Variants in UBQLN1 observed in about 807,000 individuals in gnomAD.
UBQLN1 encodes the protein ubiquilin-1.
UBQLN1 carries 13 observed loss-of-function variants against 65.4 expected under a neutral mutation model. The observed-to-expected ratio is 0.20, with a 90% CI of 0.13 to 0.32. UBQLN1 has a LOEUF of 0.32. UBQLN1 is among the 10% of genes least tolerant of loss of function. UBQLN1 has a pLI of 1.00. For missense variants in UBQLN1, 561 were observed against 724.0 expected (o/e 0.77, Z 2.58); for synonymous variants, 267 against 247.8 (o/e 1.08, Z -0.73).
chr9:83,690,780 C>T (rs1410010024), intron 1 of UBQLN1, among the ~76,000 whole-genome samples: 1 of 151,228 alleles, frequency 6.6e-6, no homozygotes, highest in Non-Finnish European at 1.5e-5. Flanking sequence ...ATCAAGAAGT[C>T]GAAACACAGC....
At chr9:83,686,791 C>T (rs1259418776) in intron 1 of UBQLN1, among the ~76,000 whole-genome samples, 1 of 151,874 alleles carries the variant, frequency 6.6e-6, no homozygotes, top group Non-Finnish European at 1.5e-5. Flanking sequence ...CACCAACATC[C>T]AAAACTTTTG....
At position 83,680,155 on chromosome 9, in the gene UBQLN1, T is replaced by C. The variant is rs1042613827; in HGVS notation, c.449-118A>G. The stretch of plus-strand genomic sequence containing the variant: ...TGACCCAATAGTCTATTACAAGAAA[T>C]CATTTAAAAACAAATCGAATACCTA... On this transcript the variant is annotated intron_variant, in intron 3 of 10. Coordinates refer to ENST00000376395, the MANE Select transcript of UBQLN1 (RefSeq NM_013438.5). The C allele has an allele frequency of 3.5e-6, 4 of 1,147,918 alleles. No homozygotes were observed. The Admixed American group carries it at 1.2e-4, about 34-fold the overall frequency. 71.1% of individuals were successfully genotyped at this position (1,147,918 alleles called of 1,614,324 possible).
At chr9:83,691,154 A>T (rs1010550353) in intron 1 of UBQLN1, among the ~76,000 whole-genome samples, 3 of 148,970 alleles carry the variant, frequency 2.0e-5, no homozygotes, top group African/African-American at 7.5e-5. Flanking sequence ...TAAAAAAAAT[A>T]AAAAACAAAC....
At position 83,707,909 on chromosome 9, in the gene UBQLN1, C is replaced by T. The variant is rs1832448766; in HGVS notation, c.-230G>A. 1.1e-5 allele frequency: 6 copies of T among 551,854 alleles called. No homozygotes were observed. The highest frequency in any genetic ancestry group is 1.8e-5 in the Non-Finnish European group (6 of 331,242). The allele number at this position is 551,854 out of a possible 1,614,324, so 34.2% of individuals were successfully genotyped here. On this transcript the variant is annotated 5_prime_UTR_variant, in exon 1 of 11. Coordinates refer to ENST00000376395, the MANE Select transcript of UBQLN1 (RefSeq NM_013438.5). ...GCTCGGCAGCCGCCGTGTGTTCAGG[C>T]GCCGCTCGCTCACACCGACATCCGC...
chr9:83,707,738 G>A lies in UBQLN1; in HGVS notation c.-59C>T, dbSNP rs1832441956. On this transcript the variant is annotated 5_prime_UTR_variant, in exon 1 of 11. Coordinates refer to ENST00000376395, the MANE Select transcript of UBQLN1 (RefSeq NM_013438.5). ...AAGCAGGAGGGAGCAGGCGAGCAAG[G>A]AGGAGCCAGCAGACACCAGAGCCGG... 2.0e-6 allele frequency: 3 copies of A among 1,499,778 alleles called. No homozygotes were observed. Among genetic ancestry groups the A allele is most frequent in the Admixed American group, 2.5e-5 (1 of 40,692 alleles). The allele number at this position is 1,499,778 out of a possible 1,614,324, so 92.9% of individuals were successfully genotyped here.
chr9:83,687,269 T>C (rs543880858), intron 1 of UBQLN1, among the ~76,000 whole-genome samples: 1 of 152,130 alleles, frequency 6.6e-6, no homozygotes, highest in East Asian at 1.9e-4. Context: ...ACCAGACACA[T>C]AAAACCAGAC....
chr9:83,698,456 T>C (rs891950606), intron 1 of UBQLN1, among the ~76,000 whole-genome samples: 1 of 152,224 alleles, frequency 6.6e-6, no homozygotes, highest in Admixed American at 6.5e-5. Context: ...TTTTATAGTC[T>C]TTATATCAAT....
chr9:83,665,370 A>C (rs1444393894), intron 8 of UBQLN1: 4 of 381,978 alleles, frequency 1.0e-5, no homozygotes, highest in Non-Finnish European at 1.4e-5. Context: ...CATGAAAGCC[A>C]TTTCCATAAT....
Position 83,675,005 on chromosome 9 carries a change from G to C in UBQLN1, c.1105+2722C>G, listed in dbSNP as rs548579272. Among the ~76,000 whole-genome samples the C allele has an allele frequency of 3.9e-5, 6 of 152,284 alleles. No homozygotes were observed. In the South Asian group the frequency reaches 1.2e-3, roughly 32 times the overall value. On this transcript the variant is annotated intron_variant, in intron 6 of 10. Transcript: ENST00000376395. ...AAGGTATTTAAAGACTATAGTTATT[G>C]ACTGTCTTATTCATCAGTAGGTACT...
At chr9:83,700,160 T>C (rs1278630292) in intron 1 of UBQLN1, among the ~76,000 whole-genome samples, 1 of 152,202 alleles carries the variant, frequency 6.6e-6, no homozygotes, top group Non-Finnish European at 1.5e-5. Flanking sequence ...TCATATCACT[T>C]TCTGTGCTCT....
chr9:83,678,010 A>AT (rs1831869683), intron 5 of UBQLN1, 49 bp from the exon 6 acceptor site: 2 of 1,442,482 alleles, frequency 1.4e-6, no homozygotes, highest in Admixed American at 2.4e-5. Flanking sequence ...TTTGTTTTAA[A>AT]TAAGATATGA....
intron 1 of UBQLN1, among the ~76,000 whole-genome samples, chr9:83,706,808 T>C (rs549333363): frequency 4.9e-4 from 75 of 152,296 alleles, no homozygotes; most frequent in Non-Finnish European, 7.5e-4. Context: ...ACCTACCCAA[T>C]GATTGGCATC....
intron 6 of UBQLN1, among the ~76,000 whole-genome samples, chr9:83,669,572 A>T (rs1284099694): frequency 6.6e-6 from 1 of 152,244 alleles, no homozygotes; most frequent in Non-Finnish European, 1.5e-5. Context: ...ATCTTGTCTA[A>T]TGAAGAGCTA....
chr9:83,680,623 C>T (rs573258586), intron 3 of UBQLN1, among the ~76,000 whole-genome samples: 12 of 152,292 alleles, frequency 7.9e-5, no homozygotes, highest in African/African-American at 2.9e-4. Flanking sequence ...TGGATGGAAC[C>T]TTTGAGCCCA....
chr9:83,683,980 C>T (rs1831994636), intron 2 of UBQLN1, among the ~76,000 whole-genome samples: 1 of 151,956 alleles, frequency 6.6e-6, no homozygotes, highest in South Asian at 2.1e-4. Flanking sequence ...AAGATTGCGC[C>T]ACTGCACTCC....
At chr9:83,682,873 C>T in intron 3 of UBQLN1, 78 bp downstream of exon 3, 48 of 614,548 alleles carry the variant, frequency 7.8e-5, no homozygotes, top group South Asian at 5.4e-4. Flanking sequence ...GTTTTATTTT[C>T]TCATTTTATC....
chr9:83,667,438 C>T (rs774931256), intron 7 of UBQLN1: 42 of 943,862 alleles, frequency 4.4e-5, no homozygotes, highest in Middle Eastern at 5.4e-4. Context: ...AGAGAAAATT[C>T]GCCCCAATTC....
In UBQLN1 at chr9:83,663,665, TAAC is replaced by T. The variant is rs761576280; in HGVS notation, c.1617+207_1617+209del. 3.2e-4 allele frequency among the ~76,000 whole-genome samples: 49 copies of T among 152,342 alleles called. 1 individual carries two copies. Among genetic ancestry groups the T allele is most frequent in the Middle Eastern group, 3.4e-3 (1 of 294 alleles). ...TTGTAGCATGTCTTCTCTACAACCG[TAAC>T]AACGTTTCCTTTAGTGTCTCAGCAC... On this transcript the variant is annotated intron_variant, in intron 10 of 10. Coordinates refer to ENST00000376395, the MANE Select transcript of UBQLN1 (RefSeq NM_013438.5).
chr9:83,661,832 A>G lies in UBQLN1; in HGVS notation c.1725T>C (p.Asp575=). 7 of 1,613,774 alleles carry G rather than the reference A, an allele frequency of 4.3e-6. No individual in the cohort carries two copies. The highest frequency in any genetic ancestry group is 5.9e-6 in the Non-Finnish European group (7 of 1,179,750). Residue 575 remains aspartate, a synonymous_variant, in exon 11 of 11, where the codon GAT becomes GAC. Coordinates refer to ENST00000376395, the MANE Select transcript of UBQLN1 (RefSeq NM_013438.5). Reference sequence around the variant, plus strand: ...GTAACCTTTCAATAGCTGCATTGATATCACCTCCTGTTGCTATTAGAGCTT... The same window carrying G: ...GTAACCTTTCAATAGCTGCATTGATGTCACCTCCTGTTGCTATTAGAGCTT... ...NLQALIATGG[D]INAAIERLLG... is the part of the protein sequence containing the mutation.
Sources: allele counts gnomAD v4.1 joint callset (sites outside exome capture counted in the v4.1 genomes callset), GRCh38; gene constraint gnomAD v4.1.1; transcripts MANE v1.5; gene names NCBI Gene and HGNC (gene_info 2026-07-23, HGNC 2026-07-21).